Variants in GALNT18 observed in about 807,000 individuals in gnomAD.
The protein encoded by GALNT18 is polypeptide N-acetylgalactosaminyltransferase 18.
GALNT18 carries 44 observed loss-of-function variants against 69.5 expected under a neutral mutation model. The observed-to-expected ratio is 0.63, with a 90% CI of 0.50 to 0.81. The LOEUF is 0.81. Among genes scored for constraint, GALNT18 ranks in the 40% least tolerant of loss-of-function variants. GALNT18 has a pLI of 0.00. For synonymous variants in GALNT18, 364 were observed against 318.2 expected (o/e 1.14, Z -1.53); for missense variants, 715 against 810.0 (o/e 0.88, Z 1.42).
At chr11:11,458,165 C>T (rs967755700) in intron 1 of GALNT18, among the ~76,000 whole-genome samples, 4 of 152,192 alleles carry the variant, frequency 2.6e-5, no homozygotes, top group Non-Finnish European at 5.9e-5. Flanking sequence ...TTCAAGCCTT[C>T]ACTTTCTTCA....
At chr11:11,313,587 T>A (rs1390211584) in intron 9 of GALNT18, among the ~76,000 whole-genome samples, 2 of 152,190 alleles carry the variant, frequency 1.3e-5, no homozygotes, top group Non-Finnish European at 2.9e-5. Context: ...TTGTTCTGTC[T>A]CTGTCTAGAG....
intron 9 of GALNT18, among the ~76,000 whole-genome samples, chr11:11,312,035 C>A (rs1312218059): frequency 6.6e-6 from 1 of 152,204 alleles, no homozygotes; most frequent in African/African-American, 2.4e-5. Context: ...CGGCTCACTG[C>A]AAGCTCTACC....
chr11:11,378,305 C>T (rs1347813202), intron 4 of GALNT18, among the ~76,000 whole-genome samples: 1 of 152,138 alleles, frequency 6.6e-6, no homozygotes, highest in African/African-American at 2.4e-5. Flanking sequence ...GAGAGCAGAC[C>T]CCAGTGACAA....
intron 3 of GALNT18, among the ~76,000 whole-genome samples, chr11:11,401,459 G>A (rs529698402): frequency 6.6e-6 from 1 of 152,212 alleles, no homozygotes; most frequent in Non-Finnish European, 1.5e-5. Flanking sequence ...CCCAGCACTC[G>A]GTCCTAGAGG....
Position 11,592,395 on chromosome 11 carries a change from A to G in GALNT18, c.235+28964T>C, listed in dbSNP as rs1212846728. Among the ~76,000 whole-genome samples the G allele has an allele frequency of 6.6e-6, 1 of 152,180 alleles. No individual in the cohort carries two copies. Among genetic ancestry groups the G allele is most frequent in the East Asian group, 1.9e-4 (1 of 5,198 alleles). On this transcript the variant is annotated intron_variant, in intron 1 of 10. Transcript: ENST00000227756. The surrounding 1 kb of genome is among the most constrained non-coding windows in gnomAD (Gnocchi z 5.9). ...AGGAAGTGGACTGAGTTTTCTAGATAATGTTTGAGCAATTCATCCTTCCCG... is the reference window on the plus strand; with the variant it reads ...AGGAAGTGGACTGAGTTTTCTAGATGATGTTTGAGCAATTCATCCTTCCCG...
At chr11:11,275,757 C>G (rs2132977068) in intron 10 of GALNT18, among the ~76,000 whole-genome samples, 1 of 152,302 alleles carries the variant, frequency 6.6e-6, no homozygotes, top group East Asian at 1.9e-4. Flanking sequence ...ATATGGCTAG[C>G]CAGTTTCCCC....
rs140969325 is a variant in GALNT18, at chr11:11,618,092, C to T, written c.235+3267G>A. Among the ~76,000 whole-genome samples the T allele has an allele frequency of 3.3e-3, 497 of 152,290 alleles. 5 individuals are homozygous for T. Among genetic ancestry groups the T allele is most frequent in the African/African-American group, 0.011 (459 of 41,564 alleles). ...TGAAATATCACTGCAACTCCCAAGACGAAAATAAACTTTTCAGTCATGACT... is the reference window on the plus strand; with the variant it reads ...TGAAATATCACTGCAACTCCCAAGATGAAAATAAACTTTTCAGTCATGACT... On this transcript the variant is annotated intron_variant, in intron 1 of 10. Transcript: ENST00000227756. This position sits in a 1 kb window ranked among gnomAD's most constrained non-coding sequence, Gnocchi z 6.1.
At chr11:11,575,039 G>T (rs1380615201) in intron 1 of GALNT18, among the ~76,000 whole-genome samples, 1 of 152,156 alleles carries the variant, frequency 6.6e-6, no homozygotes, top group East Asian at 1.9e-4. Context: ...CTACTATTAT[G>T]CAAAATGCAT....
At chr11:11,477,086 C>T (rs1359104601) in intron 1 of GALNT18, among the ~76,000 whole-genome samples, 1 of 152,152 alleles carries the variant, frequency 6.6e-6, no homozygotes, top group South Asian at 2.1e-4. Context: ...TTTGGGTTCC[C>T]TGAAGTTGGA....
chr11:11,599,579 T>C (rs1159858514), intron 1 of GALNT18, among the ~76,000 whole-genome samples: 4 of 152,066 alleles, frequency 2.6e-5, no homozygotes, highest in Non-Finnish European at 5.9e-5. Flanking sequence ...AATTGGATCA[T>C]TTAATCCATT....
Position 11,288,062 on chromosome 11 carries a change from T to C in GALNT18, c.1677+4967A>G, listed in dbSNP as rs541527937. 1.1e-3 allele frequency among the ~76,000 whole-genome samples: 168 copies of C among 152,286 alleles called. 1 individual carries two copies. The highest frequency in any genetic ancestry group is 1.5e-3 in the Non-Finnish European group (100 of 68,024). ...ACTTGCTTCCCTGTTTCTAGCCTCT[T>C]TCCTTCTGATCCACCTGCTTTCAGC... On this transcript the variant is annotated intron_variant, in intron 10 of 10. Coordinates refer to ENST00000227756, the MANE Select transcript of GALNT18 (RefSeq NM_198516.3).
intron 10 of GALNT18, among the ~76,000 whole-genome samples, 180 bp downstream of exon 10, chr11:11,292,849 C>T (rs1423975573): frequency 6.6e-6 from 1 of 152,220 alleles, no homozygotes; most frequent in Non-Finnish European, 1.5e-5. Context: ...AGACCCACAG[C>T]ACATGGTAAT....
At chr11:11,293,409 A>G (rs938376064) in intron 9 of GALNT18, among the ~76,000 whole-genome samples, 9 of 152,220 alleles carry the variant, frequency 5.9e-5, no homozygotes, top group African/African-American at 1.4e-4. Flanking sequence ...GTCCACCTGT[A>G]TAACTACAAG....
intron 1 of GALNT18, among the ~76,000 whole-genome samples, chr11:11,457,170 C>G (rs1487120): frequency 2.6e-5 from 4 of 152,012 alleles, no homozygotes; most frequent in East Asian, 1.9e-4. Flanking sequence ...ACTGGCCCCA[C>G]TGGCTCGTGC....
At chr11:11,550,700 A>C (rs979464315) in intron 1 of GALNT18, among the ~76,000 whole-genome samples, 3 of 152,172 alleles carry the variant, frequency 2.0e-5, no homozygotes, top group Non-Finnish European at 4.4e-5. Context: ...AACTTTCCGC[A>C]ATGGAAATGG....
chr11:11,513,745 T>A (rs1857209679), intron 1 of GALNT18, among the ~76,000 whole-genome samples: 1 of 152,258 alleles, frequency 6.6e-6, no homozygotes, highest in East Asian at 1.9e-4. Context: ...CAGTTTTATG[T>A]CTCCAATGAC....
intron 3 of GALNT18, among the ~76,000 whole-genome samples, chr11:11,419,612 A>G (rs985656759): frequency 4.0e-5 from 6 of 150,450 alleles, no homozygotes; most frequent in African/African-American, 1.5e-4. Flanking sequence ...AAAAAAAAAA[A>G]AAAAAAAAAA....
chr11:11,427,167 T>C (rs1242811377), intron 3 of GALNT18, among the ~76,000 whole-genome samples: 8 of 152,160 alleles, frequency 5.3e-5, no homozygotes, highest in Non-Finnish European at 1.2e-4. Flanking sequence ...AGCCAGCCCC[T>C]GAAAAAGTGG....
intron 6 of GALNT18, among the ~76,000 whole-genome samples, chr11:11,358,859 A>ACACACACACACGCACG (rs1554921791): frequency 7.7e-6 from 1 of 130,010 alleles, no homozygotes. Context: ...ACACACACAC[A>ACACACACACACGCACG]CACGCACAGA....
Sources: gnomAD v4.1 joint callset for allele counts (sites outside exome capture counted in the v4.1 genomes callset) on GRCh38, gnomAD v4.1.1 for gene constraint, Gnocchi (gnomAD v3.1) non-coding constraint, MANE v1.5 for transcripts, NCBI Gene and HGNC (gene_info 2026-07-23, HGNC 2026-07-21) for gene names.